Variants in CCSER1 observed in about 807,000 individuals in gnomAD.
CCSER1 encodes serine-rich coiled-coil domain-containing protein 1.
A neutral mutation model predicts 82.0 loss-of-function variants in CCSER1; 41 were observed. The observed-to-expected ratio is 0.50, with a 90% CI of 0.39 to 0.65. The LOEUF (loss-of-function observed/expected upper bound fraction) is 0.65, where lower values mean the gene tolerates loss of function less well. CCSER1 is among the 30% of genes least tolerant of loss of function. The pLI is 0.00. For missense variants in CCSER1, 1,119 were observed against 1,064.2 expected, an observed-to-expected ratio of 1.05 and a Z score of -0.72; for synonymous variants, 414 against 383.9, an observed-to-expected ratio of 1.08 and a Z score of -0.92.
At chr4:90,997,628 C>T (rs1484714305) in intron 9 of CCSER1, among the ~76,000 whole-genome samples, 3 of 152,110 alleles carry the variant, frequency 2.0e-5, no homozygotes, top group Non-Finnish European at 4.4e-5. Context: ...TTGTCAGCTT[C>T]CTGGAATTCA....
chr4:90,922,415 A>G (rs1581094905), intron 8 of CCSER1, among the ~76,000 whole-genome samples: 2 of 152,144 alleles, frequency 1.3e-5, no homozygotes, highest in Admixed American at 1.3e-4. Flanking sequence ...ATCCTGGGAA[A>G]GGAAGAATTA....
At chr4:90,619,360 A>G (rs1178558260) in intron 5 of CCSER1, among the ~76,000 whole-genome samples, 1 of 152,074 alleles carries the variant, frequency 6.6e-6, no homozygotes, top group African/African-American at 2.4e-5. Flanking sequence ...TGGAAAATGT[A>G]TAAAATAAAA....
At chr4:90,130,976 T>A (rs1722725663) in intron 1 of CCSER1, among the ~76,000 whole-genome samples, 1 of 151,950 alleles carries the variant, frequency 6.6e-6, no homozygotes, top group African/African-American at 2.4e-5. Context: ...GACAAATCTT[T>A]AGCTTTATGT....
chr4:90,727,245 C>T (rs1743827764), intron 7 of CCSER1: 5 of 456,122 alleles, frequency 1.1e-5, no homozygotes, highest in South Asian at 7.7e-5. Flanking sequence ...TATGGTCTGA[C>T]ACATGCCACT....
intron 5 of CCSER1, among the ~76,000 whole-genome samples, chr4:90,623,114 G>A (rs1000911300): frequency 1.0e-4 from 15 of 144,644 alleles, no homozygotes; most frequent in African/African-American, 1.0e-4. Context: ...TGCAAGCTTC[G>A]CCCCCCAGGT....
intron 10 of CCSER1, among the ~76,000 whole-genome samples, chr4:91,405,164 T>C (rs1211956134): frequency 1.3e-5 from 2 of 152,188 alleles, no homozygotes; most frequent in Non-Finnish European, 2.9e-5. Flanking sequence ...TATCTTTGTC[T>C]CTTTTGATCT....
intron 8 of CCSER1, among the ~76,000 whole-genome samples, chr4:90,913,891 C>T (rs1726855291): frequency 6.6e-6 from 1 of 152,050 alleles, no homozygotes; most frequent in Admixed American, 6.6e-5. Flanking sequence ...TCAAAAGAGA[C>T]AAAGAAGGCC....
At chr4:90,480,417 A>G (rs1330067913) in intron 5 of CCSER1, among the ~76,000 whole-genome samples, 3 of 152,006 alleles carry the variant, frequency 2.0e-5, no homozygotes. Flanking sequence ...TTTTGTTTCC[A>G]TTGCTTTTGG....
chr4:91,425,266 T>A (rs2149387465), intron 10 of CCSER1, among the ~76,000 whole-genome samples: 1 of 152,214 alleles, frequency 6.6e-6, no homozygotes, highest in East Asian at 1.9e-4. Flanking sequence ...TTTAAACTTT[T>A]TTATCTTGAA....
intron 8 of CCSER1, among the ~76,000 whole-genome samples, chr4:90,885,856 T>C (rs1302085546): frequency 1.3e-5 from 2 of 152,184 alleles, no homozygotes; most frequent in Non-Finnish European, 2.9e-5. Flanking sequence ...TACTACAAAT[T>C]CCTTGTTTCT....
chr4:90,782,338 A>G (rs914579208), intron 7 of CCSER1, among the ~76,000 whole-genome samples: 6 of 152,222 alleles, frequency 3.9e-5, no homozygotes, highest in Admixed American at 2.6e-4. Flanking sequence ...CATTCATTCA[A>G]TTAATATTTA....
At chr4:91,310,060 GT>G (rs1267993173) in intron 10 of CCSER1, among the ~76,000 whole-genome samples, 1 of 151,876 alleles carries the variant, frequency 6.6e-6, no homozygotes, top group Non-Finnish European at 1.5e-5. Flanking sequence ...ATCTCCTTAT[GT>G]GGTTGTCTCT....
chr4:90,377,971 C>A (rs1163525739), intron 3 of CCSER1, among the ~76,000 whole-genome samples: 1 of 152,028 alleles, frequency 6.6e-6, no homozygotes, highest in African/African-American at 2.4e-5. Context: ...ATCTCTAATT[C>A]TCCTAGTCAT....
intron 1 of CCSER1, among the ~76,000 whole-genome samples, chr4:90,179,557 A>C (rs918794077): frequency 6.6e-6 from 1 of 152,066 alleles, no homozygotes; most frequent in Non-Finnish European, 1.5e-5. Flanking sequence ...ATTTGAAAAT[A>C]AATTTTGTAC....
At chr4:90,341,620 T>C (rs545770002) in intron 3 of CCSER1, among the ~76,000 whole-genome samples, 3 of 152,252 alleles carry the variant, frequency 2.0e-5, no homozygotes, top group African/African-American at 4.8e-5. Context: ...CAATTCTATT[T>C]ATATTTATAC....
chr4:90,893,066 T>C (rs1036721228), intron 8 of CCSER1, among the ~76,000 whole-genome samples: 2 of 152,084 alleles, frequency 1.3e-5, no homozygotes, highest in African/African-American at 4.8e-5. Context: ...TGAGCTCATA[T>C]TATCTGTGCA....
intron 1 of CCSER1, among the ~76,000 whole-genome samples, chr4:90,262,919 A>G (rs577614220): frequency 6.6e-6 from 1 of 152,198 alleles, no homozygotes; most frequent in East Asian, 1.9e-4. Context: ...TGGGGACATA[A>G]TCACCCTGAA....
intron 8 of CCSER1, among the ~76,000 whole-genome samples, chr4:90,894,167 G>A (rs1018016844): frequency 3.3e-5 from 5 of 151,950 alleles, no homozygotes; most frequent in Admixed American, 1.3e-4. Flanking sequence ...AATTTAAAAC[G>A]TAGAATAAAT....
chr4:91,135,860 T>C (rs1446320341), intron 10 of CCSER1, among the ~76,000 whole-genome samples: 1 of 152,230 alleles, frequency 6.6e-6, no homozygotes, highest in South Asian at 2.1e-4. Context: ...AAATATCTTC[T>C]AACTAATCTA....
Sources: allele counts gnomAD v4.1 joint callset (sites outside exome capture counted in the v4.1 genomes callset), GRCh38; gene constraint gnomAD v4.1.1; transcripts MANE v1.5; gene names NCBI Gene and HGNC (gene_info 2026-07-23, HGNC 2026-07-21).